The following MROH9 variants were observed in gnomAD, a reference collection of about 807,000 sequenced individuals.
MROH9 encodes the protein maestro heat-like repeat-containing protein family member 9.
MROH9 carries 92 observed loss-of-function variants against 98.2 expected under a neutral mutation model. The ratio of observed to expected loss-of-function variants is 0.94; its 90% CI spans 0.79 to 1.11. MROH9 has a LOEUF of 1.11. Among genes scored for constraint, MROH9 ranks in the 50% most tolerant of loss-of-function variants. MROH9 has a pLI of 0.00. For synonymous variants in MROH9, 397 were observed against 368.9 expected (o/e 1.08, Z -0.87); for missense variants, 1,057 against 1,014.8 (o/e 1.04, Z -0.57).
At chr1:170,997,501 T>C (rs910230669) in intron 14 of MROH9, among the ~76,000 whole-genome samples, 2 of 152,188 alleles carry the variant, frequency 1.3e-5, no homozygotes, top group Non-Finnish European at 2.9e-5. Context: ...ATCTGCATTT[T>C]AGCAATATCC....
intron 20 of MROH9, among the ~76,000 whole-genome samples, chr1:171,051,598 G>A (rs1218311778): frequency 6.6e-6 from 1 of 152,162 alleles, no homozygotes; most frequent in Non-Finnish European, 1.5e-5. Flanking sequence ...GAGAGGCAGG[G>A]AGGAGGGAGA....
chr1:171,063,234 G>A (rs1006288189), intron 21 of MROH9, among the ~76,000 whole-genome samples: 5 of 147,026 alleles, frequency 3.4e-5, no homozygotes, highest in Non-Finnish European at 5.9e-5. Flanking sequence ...TAACATTTTG[G>A]TATATGTATT....
chr1:170,937,155 A>G (rs1215866378), intron 1 of MROH9, among the ~76,000 whole-genome samples: 15 of 152,182 alleles, frequency 9.9e-5, no homozygotes, highest in Non-Finnish European at 1.8e-4. Flanking sequence ...TTTCTTACAT[A>G]CAACTGAGTT....
intron 3 of MROH9, among the ~76,000 whole-genome samples, chr1:170,952,864 T>C (rs1054411267): frequency 6.6e-6 from 1 of 151,784 alleles, no homozygotes; most frequent in Non-Finnish European, 1.5e-5. Flanking sequence ...TCAACAGAGG[T>C]AGGCAATGCC....
chr1:170,972,906 T>C (rs1003950243), intron 8 of MROH9, among the ~76,000 whole-genome samples: 1 of 148,948 alleles, frequency 6.7e-6, no homozygotes, highest in Non-Finnish European at 1.5e-5. Flanking sequence ...ACAATGACTC[T>C]TGAAAGATGA....
intron 20 of MROH9, among the ~76,000 whole-genome samples, chr1:171,038,487 ATCTCC>A (rs1653182436): frequency 6.6e-6 from 1 of 152,144 alleles, no homozygotes. Context: ...TGACTCAGTA[ATCTCC>A]TCTCAAGAGA....
At chr1:171,001,509 G>T (rs1306280773) in intron 15 of MROH9, among the ~76,000 whole-genome samples, 2 of 152,048 alleles carry the variant, frequency 1.3e-5, no homozygotes. Flanking sequence ...TTGACCCAAT[G>T]CTCATTCAGG....
At chr1:171,005,851 A>G (rs1180671511) in intron 15 of MROH9, among the ~76,000 whole-genome samples, 1 of 152,152 alleles carries the variant, frequency 6.6e-6, no homozygotes, top group African/African-American at 2.4e-5. Flanking sequence ...ATTTTATTCT[A>G]TTGATGTCAC....
chr1:171,014,476 A>C (rs1652264535), intron 16 of MROH9, among the ~76,000 whole-genome samples: 1 of 147,414 alleles, frequency 6.8e-6, no homozygotes, highest in African/African-American at 2.5e-5. Flanking sequence ...TTTTTTTTTT[A>C]CAGAAAATCA....
rs768498116 is a variant in MROH9 at position 170,986,734 on chromosome 1, G to C, written c.879+24G>C. On this transcript the variant is annotated intron_variant, in intron 10 of 21. Coordinates refer to ENST00000367759, the MANE Select transcript of MROH9 (RefSeq NM_001163629.2). ...TGGTAAGATACTTGACAATAAGCAG[G>C]AGAGCACAGGGTTTACTCTCTAATG... The C allele has an allele frequency of 4.3e-5, 70 of 1,609,790 alleles. 1 individual carries two copies. In the South Asian group the frequency reaches 7.2e-4, roughly 17 times the overall value.
At chr1:171,046,127 C>T (rs79040492) in intron 20 of MROH9, among the ~76,000 whole-genome samples, 1,866 of 152,008 alleles carry the variant, frequency 0.012, 34 homozygotes, top group African/African-American at 0.042. Context: ...CTGATTTTTT[C>T]GTTTCCATGG....
chr1:170,951,765 C>G (rs1649561460), intron 3 of MROH9, among the ~76,000 whole-genome samples: 1 of 152,062 alleles, frequency 6.6e-6, no homozygotes, highest in South Asian at 2.1e-4. Flanking sequence ...CTGCTAAGTC[C>G]TATAAAGACA....
At chr1:171,002,896 T>C (rs1651828790) in intron 15 of MROH9, among the ~76,000 whole-genome samples, 1 of 152,182 alleles carries the variant, frequency 6.6e-6, no homozygotes, top group Non-Finnish European at 1.5e-5. Flanking sequence ...CAATTATTCT[T>C]AGGTTTAGTT....
Position 170,954,831 on chromosome 1 carries a change from A to G in MROH9, c.73-3630A>G, listed in dbSNP as rs117499822. On this transcript the variant is annotated intron_variant, in intron 3 of 21. Coordinates refer to ENST00000367759, the MANE Select transcript of MROH9 (RefSeq NM_001163629.2). The stretch of plus-strand genomic sequence containing the variant: ...TCACCGTTTATATGCCTTTTTTCCC[A>G]TAAGTTATTGGGGTACAGGTGGTAT... Among the ~76,000 whole-genome samples, 209 of 151,936 alleles carry G rather than the reference A, an allele frequency of 1.4e-3. 2 individuals carry two copies. The East Asian group carries it at 0.037, about 27-fold the overall frequency.
At chr1:171,032,349 A>C (rs573438684) in intron 20 of MROH9, among the ~76,000 whole-genome samples, 86 of 152,270 alleles carry the variant, frequency 5.6e-4, no homozygotes, top group African/African-American at 2.0e-3. Context: ...TATTTGGAGA[A>C]GAGGCACTCT....
At chr1:171,007,465 A>T (rs1652000314) in intron 15 of MROH9, among the ~76,000 whole-genome samples, 1 of 152,162 alleles carries the variant, frequency 6.6e-6, no homozygotes, top group African/African-American at 2.4e-5. Context: ...ATGACTAGCA[A>T]GGATAGAACC....
intron 1 of MROH9, among the ~76,000 whole-genome samples, chr1:170,936,361 AT>A (rs1447650252): frequency 6.6e-6 from 1 of 152,144 alleles, no homozygotes; most frequent in Non-Finnish European, 1.5e-5. Context: ...AGGGCAGCAG[AT>A]TTGTGTCCCA....
At chr1:170,972,302 G>T (rs1355874269) in intron 8 of MROH9, among the ~76,000 whole-genome samples, 1 of 152,148 alleles carries the variant, frequency 6.6e-6, no homozygotes, top group Non-Finnish European at 1.5e-5. Context: ...TGTTGCTGTG[G>T]CTTGTCTAAC....
intron 1 of MROH9, among the ~76,000 whole-genome samples, chr1:170,937,444 C>A (rs1376027123): frequency 6.7e-6 from 1 of 149,394 alleles, no homozygotes; most frequent in African/African-American, 2.5e-5. Flanking sequence ...GTATTCAGAA[C>A]AAAATTAAAA....
Sources: allele counts gnomAD v4.1 joint callset (sites outside exome capture counted in the v4.1 genomes callset), GRCh38; gene constraint gnomAD v4.1.1; transcripts MANE v1.5; gene names NCBI Gene and HGNC (gene_info 2026-07-23, HGNC 2026-07-21).